Variants in MMS19 observed in about 807,000 individuals in gnomAD.
The protein encoded by MMS19 is MMS19 nucleotide excision repair protein homolog.
MMS19 carries 77 observed loss-of-function variants against 129.8 expected under a neutral mutation model. The observed-to-expected ratio is 0.59, with a 90% confidence interval of 0.49 to 0.72. The LOEUF (loss-of-function observed/expected upper bound fraction) is 0.72, where lower values mean the gene tolerates loss of function less well. Ranked by LOEUF, MMS19 falls within the 30% of genes least tolerant of loss-of-function variation. MMS19 has a pLI of 0.00. For missense variants in MMS19, 1,168 were observed against 1,266.3 expected (o/e 0.92, Z 1.18); for synonymous variants, 491 against 502.8 (o/e 0.98, Z 0.31).
At chr10:97,491,891 A>G (rs1047359594) in intron 1 of MMS19, among the ~76,000 whole-genome samples, 1 of 152,072 alleles carries the variant, frequency 6.6e-6, no homozygotes, top group Admixed American at 6.6e-5. Flanking sequence ...CAGTAATCCT[A>G]GTACTCTGGG....
rs780774227 is a variant in MMS19 at position 97,468,382 on chromosome 10, G to A, written c.1088C>T (p.Pro363Leu). ...ACTAGGCCACACCAGTTTCATGTCCGGTTCACACAGGTGGTGCCTGCAGTC... is the reference window on the plus strand; with the variant it reads ...ACTAGGCCACACCAGTTTCATGTCCAGTTCACACAGGTGGTGCCTGCAGTC... The part of the protein sequence containing the change: ...LQDCRHHLCE[P>L]DMKLVWPSAK... The change falls in exon 13 of 31, where the codon CCG becomes CTG. Residue 363 changes from proline (P) to leucine (L), a missense_variant. By Grantham distance (98) the Pro-to-Leu change is moderately conservative. This residue lies in a region of MMS19 where 831 missense variants were observed against 910.8 expected (regional missense o/e 0.91). Coordinates refer to ENST00000438925, the MANE Select transcript of MMS19 (RefSeq NM_022362.5). 129 of 1,609,764 alleles carry A rather than the reference G, an allele frequency of 8.0e-5. No homozygotes were observed. Among genetic ancestry groups the A allele is most frequent in the Admixed American group, 2.3e-4 (14 of 59,658 alleles).
In MMS19 at chr10:97,460,016, T is replaced by C. The variant is rs185816937; in HGVS notation, c.2656+30A>G. On this transcript the variant is annotated intron_variant, in intron 26 of 30. Transcript: ENST00000438925. ...TGGCCAAGCAAAGGAGAGATGTGTA[T>C]ATGTGGGGACCTTCTTTCAGACTCC... is the stretch of plus-strand genomic sequence containing the variant. 5.8e-4 allele frequency: 930 copies of C among 1,607,566 alleles called. 4 individuals are homozygous for C. Among genetic ancestry groups the C allele is most frequent in the Middle Eastern group, 3.1e-3 (18 of 5,862 alleles).
At chr10:97,476,361 A>G (rs1048969138) in intron 8 of MMS19, among the ~76,000 whole-genome samples, 10 of 152,182 alleles carry the variant, frequency 6.6e-5, no homozygotes, top group Non-Finnish European at 1.5e-5. Context: ...CTGAACAGCT[A>G]TAGTACTACT....
At chr10:97,489,115 A>G (rs1480573458) in intron 1 of MMS19, among the ~76,000 whole-genome samples, 3 of 152,336 alleles carry the variant, frequency 2.0e-5, no homozygotes, top group African/African-American at 7.2e-5. Flanking sequence ...TGCTGAGATT[A>G]CAGACATGAG....
At chr10:97,470,012 T>C in intron 10 of MMS19, 117 bp downstream of exon 10, 1 of 766,988 alleles carries the variant, frequency 1.3e-6, no homozygotes, top group South Asian at 1.6e-5. Flanking sequence ...GCCCAAATCC[T>C]GGGTATCCTC....
chr10:97,468,413 A>C lies in MMS19; in HGVS notation c.1064-7T>G, dbSNP rs1353432375. ...CACAGGTGGTGCCTGCAGTCTAGAG[A>C]AGCAGCACATCACAGAGCTGGGGAG... On this transcript the variant is annotated splice_polypyrimidine_tract_variant and splice_region_variant and intron_variant, in intron 12 of 30. Transcript: ENST00000438925. The C allele has an allele frequency of 6.3e-7, 1 of 1,597,060 alleles. No homozygotes were observed. Among genetic ancestry groups the C allele is most frequent in the South Asian group, 1.1e-5 (1 of 89,446 alleles).
chr10:97,461,466 G>A (rs1342589303), intron 23 of MMS19, 30 bp downstream of exon 23: 10 of 1,603,382 alleles, frequency 6.2e-6, no homozygotes, highest in Non-Finnish European at 8.5e-6. Context: ...TTGATTCTGG[G>A]AGGCTCCTTA....
chr10:97,476,651 A>C (rs1564663223), intron 8 of MMS19, 32 bp downstream of exon 8: 1 of 1,608,768 alleles, frequency 6.2e-7, no homozygotes, highest in East Asian at 2.2e-5. Flanking sequence ...CACTCAATAA[A>C]TATATGATCA....
At chr10:97,474,481 G>A (rs12412017) in intron 8 of MMS19, among the ~76,000 whole-genome samples, 53,802 of 151,994 alleles carry the variant, frequency 0.35, 10,104 homozygotes, top group Non-Finnish European at 0.43. Context: ...CCCGGAGGCA[G>A]GGGTTGCAGT....
chr10:97,485,913 T>G (rs920100723), intron 1 of MMS19, among the ~76,000 whole-genome samples: 1 of 152,182 alleles, frequency 6.6e-6, no homozygotes, highest in East Asian at 1.9e-4. Flanking sequence ...GAAAACAGCA[T>G]GGAGGTTTCT....
At chr10:97,498,424 GCTCGAGA>G, upstream of MMS19, 1 of 1,560,430 alleles carries the variant, frequency 6.4e-7, no homozygotes, top group Non-Finnish European at 8.6e-7. Flanking sequence ...ATGGGCGGTG[GCTCGAGA>G]CGGGCTCTCC....
intron 1 of MMS19, 137 bp downstream of exon 1, chr10:97,498,136 T>C: frequency 4.0e-6 from 3 of 744,638 alleles, no homozygotes; most frequent in Non-Finnish European, 6.4e-6. Flanking sequence ...GCTCTGAACC[T>C]CGCGGTGCTC....
At chr10:97,489,397 AAG>A (rs1218161068) in intron 1 of MMS19, among the ~76,000 whole-genome samples, 1 of 152,248 alleles carries the variant, frequency 6.6e-6, no homozygotes, top group African/African-American at 2.4e-5. Context: ...ATTGTTTTAA[AAG>A]AAATATTTCA....
rs189540592 is a variant in MMS19 at position 97,495,157 on chromosome 10, T to C, written c.112+3116A>G. Among the ~76,000 whole-genome samples the C allele has an allele frequency of 2.0e-5, 3 of 152,182 alleles. No individual in the cohort carries two copies. In the East Asian group the frequency reaches 5.8e-4, roughly 29 times the overall value. On this transcript the variant is annotated intron_variant, in intron 1 of 30. Transcript: ENST00000438925. ...GATTACACAGAGCTAGTGAAGGGAA[T>C]TGGGAAGGAAAGCACTCAGGGAACT...
Position 97,459,511 on chromosome 10 carries a change from G to A in MMS19, c.2755C>T (p.Leu919=). The A allele has an allele frequency of 6.2e-7, 1 of 1,612,904 alleles. No homozygotes were observed. Among genetic ancestry groups the A allele is most frequent in the Non-Finnish European group, 8.5e-7 (1 of 1,179,218 alleles). The change falls in exon 28 of 31, where the codon CTG becomes TTG. Residue 919 remains leucine (L), a synonymous_variant. Coordinates refer to ENST00000438925, the MANE Select transcript of MMS19 (RefSeq NM_022362.5). ...PELPTLLSLL[L]EALSCPDCVV... ...CAGTCAGGGCAGGACAGGGCCTCCA[G>A]CAGCAAGGAAAGAAGCTAAGGGGCA...
intron 1 of MMS19, among the ~76,000 whole-genome samples, chr10:97,487,496 T>C (rs796113350): frequency 2.6e-4 from 40 of 152,104 alleles, no homozygotes; most frequent in African/African-American, 9.6e-4. Context: ...TTTTTTTGTA[T>C]TTTTAGTAGA....
chr10:97,471,466 T>C (rs930168916), intron 8 of MMS19, among the ~76,000 whole-genome samples: 10 of 152,152 alleles, frequency 6.6e-5, no homozygotes, highest in Non-Finnish European at 1.3e-4. Flanking sequence ...TTTTCCTCTT[T>C]GCAAACTCCA....
intron 4 of MMS19, 21 bp from the exon 5 acceptor site, chr10:97,477,950 C>T (rs574789652): frequency 1.8e-5 from 27 of 1,538,110 alleles, no homozygotes; most frequent in Admixed American, 1.5e-4. Context: ...GGAGAAGGTA[C>T]GTGAATACCG....
rs751392134 is a variant in MMS19, at chr10:97,460,935, C to T, written c.2384G>A (p.Arg795His). The change falls in exon 24 of 31, where the codon CGT becomes CAT. Residue 795 changes from arginine to histidine, a missense_variant. Physicochemically the swap from Arg to His is conservative, Grantham distance 29. Coordinates refer to ENST00000438925, the MANE Select transcript of MMS19 (RefSeq NM_022362.5). ...VEAGLGSGPC[R>H]SQAFTLLLWV... Reference sequence around the variant, plus strand: ...GAGAAGAAGAGTGAAGGCCTGACTACGACAGGGCCCAGAGCCCAGGCCAGC... The same window carrying T: ...GAGAAGAAGAGTGAAGGCCTGACTATGACAGGGCCCAGAGCCCAGGCCAGC... The T allele has an allele frequency of 1.6e-5, 25 of 1,582,478 alleles. No homozygotes were observed. Among genetic ancestry groups the T allele is most frequent in the Admixed American group, 5.4e-5 (3 of 55,242 alleles).
Sources: allele counts gnomAD v4.1 joint callset (sites outside exome capture counted in the v4.1 genomes callset), GRCh38; gene constraint gnomAD v4.1.1; regional missense constraint gnomAD v4.1.1; transcripts MANE v1.5; gene names NCBI Gene and HGNC (gene_info 2026-07-23, HGNC 2026-07-21).